FER1L6: variants seen among roughly 807,000 people sequenced by gnomAD.
FER1L6 encodes fer-1-like protein 6.
FER1L6 carries 177 observed loss-of-function variants against 219.2 expected under a neutral mutation model. The ratio of observed to expected loss-of-function variants is 0.81; its 90% confidence interval spans 0.71 to 0.91. The LOEUF is 0.91. Among genes scored for constraint, FER1L6 ranks in the 40% least tolerant of loss-of-function variants. The pLI, the probability that FER1L6 is intolerant of heterozygous loss-of-function variation, is 0.00. For missense variants in FER1L6, 2,153 were observed against 2,259.9 expected (o/e 0.95, Z 0.96); for synonymous variants, 768 against 824.3 (o/e 0.93, Z 1.17).
intron 1 of FER1L6, among the ~76,000 whole-genome samples, chr8:123,900,088 T>C (rs1002303887): frequency 6.6e-6 from 1 of 152,214 alleles, no homozygotes; most frequent in Non-Finnish European, 1.5e-5. Flanking sequence ...CTTTTGGTAG[T>C]ATGGTCATTT....
intron 22 of FER1L6, among the ~76,000 whole-genome samples, chr8:124,055,636 C>T (rs1820258292): frequency 6.6e-6 from 1 of 152,136 alleles, no homozygotes; most frequent in Non-Finnish European, 1.5e-5. Flanking sequence ...CTCTCCTCTG[C>T]TGCTTGAATG....
chr8:123,936,433 C>T (rs1814003954), intron 1 of FER1L6, among the ~76,000 whole-genome samples: 1 of 140,606 alleles, frequency 7.1e-6, no homozygotes, highest in Non-Finnish European at 1.5e-5. Context: ...AGTACATTGA[C>T]ATTTTTAGAT....
rs369564715 is a variant in FER1L6, at chr8:124,061,881, G to C, written c.3177G>C (p.Pro1059=). Residue 1059 remains proline (P), a synonymous_variant, in exon 25 of 41, where the codon CCG becomes CCC. Transcript: ENST00000522917. ...TGCCTGAGAACGAGCTTCTGCACCC[G>C]CCACTGAGCATCTGCGTGGTGGACT... The part of the protein sequence containing the change: ...VELPENELLH[P]PLSICVVDWR... 6.2e-7 allele frequency: 1 copy of C among 1,613,840 alleles called. No homozygotes were observed. The highest frequency in any genetic ancestry group is 8.5e-7 in the Non-Finnish European group (1 of 1,180,010).
intron 2 of FER1L6, among the ~76,000 whole-genome samples, chr8:123,961,205 A>G (rs1233640721): frequency 6.6e-6 from 1 of 152,164 alleles, no homozygotes; most frequent in East Asian, 1.9e-4. Context: ...AACTGTAGTG[A>G]GCTGAGATCT....
In FER1L6 at chr8:123,970,113, G is replaced by A. The variant is rs376390882; in HGVS notation, c.447+16G>A. The A allele has an allele frequency of 1.3e-5, 21 of 1,611,488 alleles. No individual in the cohort carries two copies. Among genetic ancestry groups the A allele is most frequent in the South Asian group, 4.4e-5 (4 of 91,018 alleles). On this transcript the variant is annotated intron_variant, in intron 6 of 40. Transcript: ENST00000522917. ...CAAAATCTCCGTAAGTATAGCATTG[G>A]TGGTAATAGTTGTGGAGAGGTGGGA...
chr8:124,019,863 A>G (rs57196394), intron 16 of FER1L6, among the ~76,000 whole-genome samples: 3,115 of 152,290 alleles, frequency 0.02, 107 homozygotes, highest in African/African-American at 0.072. Context: ...AACATGGGGG[A>G]ATGTAATACA....
chr8:124,112,111 G>A (rs1445802777), intron 39 of FER1L6, among the ~76,000 whole-genome samples: 2 of 152,106 alleles, frequency 1.3e-5, no homozygotes, highest in Non-Finnish European at 2.9e-5. Flanking sequence ...AAATCACTAG[G>A]TTAGACTGGG....
At chr8:124,102,386 A>G (rs970514623) in intron 38 of FER1L6, among the ~76,000 whole-genome samples, 3 of 152,314 alleles carry the variant, frequency 2.0e-5, no homozygotes, top group Admixed American at 2.0e-4. Flanking sequence ...GAAAAATCTC[A>G]TTTCTGTAAA....
intron 18 of FER1L6, among the ~76,000 whole-genome samples, chr8:124,030,430 C>T (rs997808934): frequency 1.3e-5 from 2 of 152,172 alleles, no homozygotes; most frequent in African/African-American, 2.4e-5. Context: ...CAACTCACCA[C>T]TCAAAAGTTT....
At chr8:124,069,242 T>C (rs1820961380) in intron 28 of FER1L6, 118 bp from the exon 29 acceptor site, 3 of 773,814 alleles carry the variant, frequency 3.9e-6, no homozygotes, top group Non-Finnish European at 6.5e-6. Context: ...GGCCACAAGT[T>C]ACTATTTCTG....
intron 13 of FER1L6, among the ~76,000 whole-genome samples, chr8:124,005,798 G>A (rs4301439): frequency 0.034 from 5,243 of 152,328 alleles, 192 homozygotes; most frequent in East Asian, 0.11. Flanking sequence ...AGGAGTTGGG[G>A]AAAGTCACAG....
At position 123,966,361 on chromosome 8, in the gene FER1L6, G is replaced by A. The variant is rs564135616; in HGVS notation, c.384+71G>A. On this transcript the variant is annotated intron_variant, in intron 5 of 40. Coordinates refer to ENST00000522917, the MANE Select transcript of FER1L6 (RefSeq NM_001039112.2). ...CACCACCATTCTGCAGGATCCTTCAGTCAAACAAAGAGCTGTGCCCCTCCT... is the reference window on the plus strand; with the variant it reads ...CACCACCATTCTGCAGGATCCTTCAATCAAACAAAGAGCTGTGCCCCTCCT... 1.4e-5 allele frequency: 22 copies of A among 1,585,294 alleles called. No homozygotes were observed. The East Asian group carries it at 3.8e-4, about 27-fold the overall frequency.
intron 22 of FER1L6, among the ~76,000 whole-genome samples, chr8:124,057,221 G>GT (rs922316019): frequency 2.6e-4 from 40 of 151,946 alleles, no homozygotes; most frequent in Non-Finnish European, 4.1e-4. Context: ...TTCCTCTTAG[G>GT]TTTTTTTGTT....
At chr8:124,007,461 T>A (rs376245365) in intron 13 of FER1L6, among the ~76,000 whole-genome samples, 1 of 152,174 alleles carries the variant, frequency 6.6e-6, no homozygotes, top group Non-Finnish European at 1.5e-5. Flanking sequence ...ATAGCTGTCA[T>A]TAGGCAGGGA....
Position 124,003,216 on chromosome 8 carries a change from G to A in FER1L6, c.1569G>A (p.Lys523=). Residue 523 remains lysine, a synonymous_variant, in exon 13 of 41, where the codon AAG becomes AAA. Coordinates refer to ENST00000522917, the MANE Select transcript of FER1L6 (RefSeq NM_001039112.2). ...GAGGATCCCATCATGGGAGTAAGAA[G>A]TCAGCTGAATCAGCTGAAGAAGACC... ...IDGGSHHGSK[K]SAESAEEDLL... is the part of the protein sequence containing the mutation. The A allele has an allele frequency of 6.2e-7, 1 of 1,614,112 alleles. No individual in the cohort carries two copies. The highest frequency in any genetic ancestry group is 8.5e-7 in the Non-Finnish European group (1 of 1,179,990).
intron 1 of FER1L6, among the ~76,000 whole-genome samples, chr8:123,884,133 G>T (rs1449302027): frequency 6.6e-6 from 1 of 152,238 alleles, no homozygotes; most frequent in Non-Finnish European, 1.5e-5. Context: ...TCAGTGCTGT[G>T]TTGCCACCTC....
At chr8:123,958,940 G>T (rs1370821529) in intron 2 of FER1L6, among the ~76,000 whole-genome samples, 1 of 151,892 alleles carries the variant, frequency 6.6e-6, no homozygotes, top group African/African-American at 2.4e-5. Context: ...TGTGGATAGA[G>T]CGCATAAAGT....
intron 1 of FER1L6, among the ~76,000 whole-genome samples, chr8:123,859,640 C>T (rs562698868): frequency 6.2e-5 from 9 of 144,218 alleles, no homozygotes; most frequent in African/African-American, 1.0e-4. Context: ...CATGCTGGTG[C>T]GCTGCACCCA....
At chr8:124,069,784 G>A (rs1233515874) in intron 29 of FER1L6, among the ~76,000 whole-genome samples, 2 of 152,208 alleles carry the variant, frequency 1.3e-5, no homozygotes, top group Non-Finnish European at 2.9e-5. Context: ...TCATGCAAAT[G>A]TGTACACACT....
Sources: allele counts gnomAD v4.1 joint callset (sites outside exome capture counted in the v4.1 genomes callset), GRCh38; gene constraint gnomAD v4.1.1; transcripts MANE v1.5; gene names NCBI Gene and HGNC (gene_info 2026-07-23, HGNC 2026-07-21).